The following CDH18 variants were observed in gnomAD, a reference collection of about 807,000 sequenced individuals.
The protein encoded by CDH18 is cadherin 18, also known as cadherin-18.
In CDH18, 31 loss-of-function variants were observed where a neutral mutation model predicts 67.9. The observed-to-expected ratio is 0.46, with a 90% CI of 0.34 to 0.62. The LOEUF is 0.62. CDH18 is among the 20% of genes least tolerant of loss of function. The pLI, the probability that CDH18 is intolerant of heterozygous loss-of-function variation, is 0.01. For synonymous variants in CDH18, 362 were observed against 347.2 expected (o/e 1.04, Z -0.48); for missense variants, 890 against 975.5 (o/e 0.91, Z 1.17).
At chr5:19,814,254 C>A (rs544609114) in intron 3 of CDH18, among the ~76,000 whole-genome samples, 2 of 151,812 alleles carry the variant, frequency 1.3e-5, no homozygotes, top group East Asian at 3.9e-4. Context: ...ATGAGCAAAT[C>A]AAATGTTTCC....
chr5:20,413,793 C>T (rs948769383), intron 1 of CDH18, among the ~76,000 whole-genome samples: 1 of 152,176 alleles, frequency 6.6e-6, no homozygotes, highest in African/African-American at 2.4e-5. Context: ...GTTTCTTTTG[C>T]TGTGCAGAAG....
chr5:19,766,116 C>T lies in CDH18; in HGVS notation c.229-18880G>A, dbSNP rs143832395. 3.8e-3 allele frequency among the ~76,000 whole-genome samples: 574 copies of T among 152,208 alleles called. 2 individuals carry two copies. Among genetic ancestry groups the T allele is most frequent in the African/African-American group, 0.013 (555 of 41,556 alleles). On this transcript the variant is annotated intron_variant, in intron 3 of 12. Transcript: ENST00000382275. ...CTGGTCTCAAACTCCTGACCTCAGG[C>T]GATCTGCCTGTCCCAGTCTCCCAAA... is the stretch of plus-strand genomic sequence containing the variant.
intron 1 of CDH18, among the ~76,000 whole-genome samples, chr5:20,463,988 C>T (rs1410186357): frequency 1.3e-5 from 2 of 152,062 alleles, no homozygotes; most frequent in South Asian, 2.1e-4. Flanking sequence ...TATCATGAAC[C>T]TCTGGAACAA....
At chr5:19,669,931 G>C (rs972891132) in intron 5 of CDH18, among the ~76,000 whole-genome samples, 16 of 152,132 alleles carry the variant, frequency 1.1e-4, no homozygotes, top group African/African-American at 3.9e-4. Context: ...GTGGGGATGT[G>C]AGTGAAGACT....
rs528659679 is a variant in CDH18 at position 20,147,984 on chromosome 5, ATG to A, written c.-518+107458_-518+107459del. ...AGTGGCCAAATAAGAGTGAATTTGA[ATG>A]TGTGTGTGTGCATGTTTGCATGTTT... On this transcript the variant is annotated intron_variant, in intron 2 of 14. Transcript: ENST00000507958. Among the ~76,000 whole-genome samples the A allele has an allele frequency of 2.6e-4, 40 of 152,012 alleles. 2 individuals are homozygous for A. In the South Asian group the frequency reaches 8.1e-3, roughly 31 times the overall value.
At chr5:20,504,393 G>A (rs1031640457) in intron 1 of CDH18, among the ~76,000 whole-genome samples, 3 of 152,154 alleles carry the variant, frequency 2.0e-5, no homozygotes, top group South Asian at 4.1e-4. Flanking sequence ...GTGTGTTTGT[G>A]TATATGCAAC....
At chr5:20,095,448 G>GAAAGAA (rs1561786332) in intron 2 of CDH18, among the ~76,000 whole-genome samples, 1 of 83,568 alleles carries the variant, frequency 1.2e-5, no homozygotes, top group South Asian at 4.7e-4. Context: ...AGAAAGAAAA[G>GAAAGAA]AAAGAAAGAA....
chr5:19,594,731 C>A (rs1181618511), intron 6 of CDH18, among the ~76,000 whole-genome samples: 1 of 152,100 alleles, frequency 6.6e-6, no homozygotes, highest in African/African-American at 2.4e-5. Context: ...TTGTTCTTTG[C>A]TCTCCCTGTA....
At chr5:19,547,889 C>G (rs1168650520) in intron 8 of CDH18, among the ~76,000 whole-genome samples, 1 of 152,114 alleles carries the variant, frequency 6.6e-6, no homozygotes, top group East Asian at 1.9e-4. Flanking sequence ...TTTTGGCTTT[C>G]TGCCCAGACA....
intron 1 of CDH18, among the ~76,000 whole-genome samples, chr5:19,986,894 TG>T: frequency 2.0e-5 from 3 of 152,306 alleles, no homozygotes; most frequent in Admixed American, 2.0e-4. Context: ...CAAAGTCCCC[TG>T]CTTTGAAAAA....
intron 2 of CDH18, among the ~76,000 whole-genome samples, chr5:19,902,238 C>A (rs1036943377): frequency 1.3e-5 from 2 of 152,112 alleles, no homozygotes; most frequent in African/African-American, 4.8e-5. Flanking sequence ...CTGAGATGGT[C>A]GAGATTCATC....
chr5:19,581,525 G>T (rs373096200), intron 7 of CDH18, among the ~76,000 whole-genome samples: 3 of 152,002 alleles, frequency 2.0e-5, no homozygotes, highest in East Asian at 3.9e-4. Context: ...TAGCCAAGTT[G>T]CCGTATGAGT....
intron 1 of CDH18, among the ~76,000 whole-genome samples, chr5:20,510,536 C>A (rs1327495013): frequency 6.6e-6 from 1 of 152,026 alleles, no homozygotes; most frequent in Non-Finnish European, 1.5e-5. Context: ...GATTGAAAAT[C>A]TGACTCCCAT....
At chr5:20,095,550 G>T (rs62352581) in intron 2 of CDH18, among the ~76,000 whole-genome samples, 6 of 89,096 alleles carry the variant, frequency 6.7e-5, no homozygotes, top group Admixed American at 3.1e-4. Context: ...AGGAAGGGAA[G>T]GAAGGAAAGA....
At chr5:19,727,344 T>G (rs1277136878) in intron 4 of CDH18, among the ~76,000 whole-genome samples, 3 of 152,020 alleles carry the variant, frequency 2.0e-5, no homozygotes, top group Non-Finnish European at 4.4e-5. Flanking sequence ...CTTATAAAAA[T>G]GAAAAATGTG....
At chr5:20,558,579 AC>A (rs1758039773) in intron 1 of CDH18, among the ~76,000 whole-genome samples, 1 of 152,076 alleles carries the variant, frequency 6.6e-6, no homozygotes, top group African/African-American at 2.4e-5. Context: ...GAAACCATAG[AC>A]AGGATTATTG....
chr5:20,395,634 A>T (rs1353433762), intron 1 of CDH18, among the ~76,000 whole-genome samples: 1 of 152,228 alleles, frequency 6.6e-6, no homozygotes, highest in Non-Finnish European at 1.5e-5. Flanking sequence ...CTTTTATTAC[A>T]TCAAAGTTAT....
intron 1 of CDH18, among the ~76,000 whole-genome samples, chr5:20,338,364 C>T (rs773850477): frequency 2.6e-5 from 4 of 152,196 alleles, no homozygotes; most frequent in Non-Finnish European, 5.9e-5. Flanking sequence ...TACAGCCAAA[C>T]ATTTCAATTA....
At chr5:20,209,625 G>A (rs1003517153) in intron 2 of CDH18, among the ~76,000 whole-genome samples, 2 of 151,954 alleles carry the variant, frequency 1.3e-5, no homozygotes, top group African/African-American at 2.4e-5. Context: ...AAAAGAGGTT[G>A]ACCAATGAGT....
Sources: gnomAD v4.1 joint callset for allele counts (sites outside exome capture counted in the v4.1 genomes callset) on GRCh38, gnomAD v4.1.1 for gene constraint, MANE v1.5 for transcripts, NCBI Gene and HGNC (gene_info 2026-07-23, HGNC 2026-07-21) for gene names.